The following PDLIM5 variants were observed in gnomAD, a reference collection of about 807,000 sequenced individuals.
PDLIM5 encodes PDZ and LIM domain 5.
PDLIM5 carries 34 observed loss-of-function variants against 64.2 expected under a neutral mutation model. The observed-to-expected ratio is 0.53, with a 90% confidence interval of 0.40 to 0.71. The LOEUF (loss-of-function observed/expected upper bound fraction) is 0.71, where lower values mean the gene tolerates loss of function less well. PDLIM5 is among the 30% of genes least tolerant of loss of function. PDLIM5 has a pLI of 0.00. For synonymous variants in PDLIM5, 253 were observed against 269.1 expected (o/e 0.94, Z 0.59); for missense variants, 683 against 733.6 (o/e 0.93, Z 0.80).
chr4:94,572,083 T>A (rs17021820), intron 3 of PDLIM5, among the ~76,000 whole-genome samples: 5,929 of 152,190 alleles, frequency 0.039, 391 homozygotes, highest in African/African-American at 0.14. Context: ...ATTATACTCA[T>A]AGAGACCGAA....
At position 94,662,451 on chromosome 4, in the gene PDLIM5, C is replaced by T; in HGVS notation, c.1615C>T (p.His539Tyr). Reference protein sequence around the residue: ...DYYALFGTICHGCEFPIEAGD... With the variant: ...DYYALFGTICYGCEFPIEAGD... ...TTATGCCCTCTTTGGTACTATATGC[C>T]ATGGATGTGAATTTCCCATAGAAGC... Residue 539 changes from histidine (H) to tyrosine (Y), a missense_variant, in exon 12 of 13, where the codon CAT becomes TAT. By Grantham distance (83) the His-to-Tyr change is moderately conservative. Transcript: ENST00000317968. 1 of 1,586,610 alleles carries T rather than the reference C, an allele frequency of 6.3e-7. No homozygotes were observed. The highest frequency in any genetic ancestry group is 8.7e-7 in the Non-Finnish European group (1 of 1,154,948).
chr4:94,489,989 A>G (rs1726715330), intron 2 of PDLIM5, among the ~76,000 whole-genome samples: 2 of 151,898 alleles, frequency 1.3e-5, no homozygotes, highest in Admixed American at 1.3e-4. Flanking sequence ...TTGATGTAAC[A>G]TATTTATGCA....
chr4:94,639,735 C>T (rs1471524117), intron 8 of PDLIM5, among the ~76,000 whole-genome samples: 3 of 152,134 alleles, frequency 2.0e-5, no homozygotes, highest in African/African-American at 7.2e-5. Context: ...GCAGAGATGT[C>T]TAGAGAATTA....
chr4:94,482,102 A>C (rs1725915274), intron 2 of PDLIM5, among the ~76,000 whole-genome samples: 2 of 151,020 alleles, frequency 1.3e-5, no homozygotes, highest in Admixed American at 6.7e-5. Context: ...GCCACTTCAC[A>C]GATATTTTAC....
chr4:94,641,880 A>G (rs1741029678), intron 9 of PDLIM5, among the ~76,000 whole-genome samples: 1 of 152,218 alleles, frequency 6.6e-6, no homozygotes, highest in African/African-American at 2.4e-5. Flanking sequence ...TGCATAGATC[A>G]TGCATGACTC....
intron 9 of PDLIM5, among the ~76,000 whole-genome samples, chr4:94,647,214 G>T (rs1354699691): frequency 6.6e-6 from 1 of 152,182 alleles, no homozygotes; most frequent in African/African-American, 2.4e-5. Context: ...GAGTGGAAGG[G>T]TAGATAAAAT....
At chr4:94,623,972 AAAT>A (rs1391054107) in intron 8 of PDLIM5, among the ~76,000 whole-genome samples, 9 of 152,302 alleles carry the variant, frequency 5.9e-5, no homozygotes, top group African/African-American at 2.2e-4. Flanking sequence ...GGAAATTAAA[AAAT>A]AATAACAGTT....
intron 2 of PDLIM5, among the ~76,000 whole-genome samples, chr4:94,504,278 T>C (rs939959577): frequency 1.3e-5 from 2 of 151,954 alleles, no homozygotes; most frequent in Non-Finnish European, 2.9e-5. Flanking sequence ...CAGAACTTCA[T>C]GGTTGTGCGA....
At position 94,592,814 on chromosome 4, in the gene PDLIM5, T is replaced by G. The variant is rs180974556; in HGVS notation, c.920+6370T>G. Among the ~76,000 whole-genome samples, 57 of 152,174 alleles carry G rather than the reference T, an allele frequency of 3.7e-4. 1 individual carries two copies. In the East Asian group the frequency reaches 9.7e-3, roughly 26 times the overall value. On this transcript the variant is annotated intron_variant, in intron 7 of 12. Coordinates refer to ENST00000317968, the MANE Select transcript of PDLIM5 (RefSeq NM_006457.5). The stretch of plus-strand genomic sequence containing the variant: ...GCTAATTTTTTGTAAAGGCAGGATT[T>G]TGCCATGTTGCCCAGGCTGGTCTCG...
chr4:94,588,420 G>A (rs142451501), intron 7 of PDLIM5, among the ~76,000 whole-genome samples: 128 of 152,124 alleles, frequency 8.4e-4, no homozygotes, highest in African/African-American at 2.7e-3. Context: ...AAAATTAGCC[G>A]GGCATGGTGG....
At chr4:94,619,854 C>T (rs562989518) in intron 8 of PDLIM5, among the ~76,000 whole-genome samples, 23 of 152,148 alleles carry the variant, frequency 1.5e-4, no homozygotes, top group African/African-American at 5.5e-4. Flanking sequence ...AACTCCTGAG[C>T]TTAAGCGATC....
At chr4:94,491,646 C>T (rs1190478696) in intron 2 of PDLIM5, among the ~76,000 whole-genome samples, 1 of 151,956 alleles carries the variant, frequency 6.6e-6, no homozygotes, top group Non-Finnish European at 1.5e-5. Flanking sequence ...ATTTTATCAC[C>T]TCTGACTCAT....
At chr4:94,568,909 A>G (rs1734570813) in intron 3 of PDLIM5, among the ~76,000 whole-genome samples, 1 of 152,224 alleles carries the variant, frequency 6.6e-6, no homozygotes, top group Non-Finnish European at 1.5e-5. Flanking sequence ...TGAGGCTTTG[A>G]CCAAATGAAT....
At chr4:94,601,404 A>T (rs555400977) in intron 7 of PDLIM5, among the ~76,000 whole-genome samples, 41 of 152,276 alleles carry the variant, frequency 2.7e-4, no homozygotes, top group African/African-American at 9.9e-4. Context: ...GGATTTTGAC[A>T]TATGATTTGG....
chr4:94,614,993 C>T (rs995607285), intron 7 of PDLIM5, among the ~76,000 whole-genome samples: 2 of 152,126 alleles, frequency 1.3e-5, no homozygotes, highest in African/African-American at 2.4e-5. Flanking sequence ...TTATTATCAC[C>T]AGACCAGATA....
In PDLIM5 at chr4:94,525,154, C is replaced by T. The variant is rs761802903; in HGVS notation, c.248+1279C>T. ...GGGAAATAGGCTGGGCGCTGTGGCT[C>T]ACGCCTGTAATCCCAGTACTTTGGG... On this transcript the variant is annotated intron_variant, in intron 3 of 12. Transcript: ENST00000317968. Among the ~76,000 whole-genome samples the T allele has an allele frequency of 3.1e-4, 47 of 152,176 alleles. 2 individuals carry two copies. The highest frequency in any genetic ancestry group is 3.2e-3 in the Middle Eastern group (1 of 316).
At chr4:94,481,287 T>C (rs932573457) in intron 2 of PDLIM5, among the ~76,000 whole-genome samples, 2 of 142,854 alleles carry the variant, frequency 1.4e-5, no homozygotes, top group African/African-American at 2.7e-5. Context: ...AGACAGCTTA[T>C]TCCTTTTTTT....
At chr4:94,648,831 C>T (rs1469738517) in intron 9 of PDLIM5, among the ~76,000 whole-genome samples, 2 of 152,188 alleles carry the variant, frequency 1.3e-5, no homozygotes, top group Non-Finnish European at 2.9e-5. Context: ...TTGCTTTCTT[C>T]CTCAGGGCCA....
chr4:94,649,360 G>C (rs1202058906), intron 9 of PDLIM5, among the ~76,000 whole-genome samples: 3 of 152,070 alleles, frequency 2.0e-5, no homozygotes, highest in Non-Finnish European at 4.4e-5. Context: ...ATGGCCACAG[G>C]TTCTACCCAC....
Sources: gnomAD v4.1 joint callset for allele counts (sites outside exome capture counted in the v4.1 genomes callset) on GRCh38, gnomAD v4.1.1 for gene constraint, MANE v1.5 for transcripts, NCBI Gene and HGNC (gene_info 2026-07-23, HGNC 2026-07-21) for gene names.